SNX24: variants seen among roughly 807,000 people sequenced by gnomAD.
SNX24 encodes sorting nexin 24.
Under a neutral mutation model 28.7 loss-of-function variants are expected in SNX24, and 22 were observed. The observed-to-expected ratio is 0.77, with a 90% CI of 0.55 to 1.10. The LOEUF is 1.10. Among genes scored for constraint, SNX24 ranks in the 50% least tolerant of loss-of-function variants. The pLI, the probability that SNX24 is intolerant of heterozygous loss-of-function variation, is 0.00. For missense variants in SNX24, 221 were observed against 201.1 expected, an observed-to-expected ratio of 1.10 and a Z score of -0.60; for synonymous variants, 69 against 71.5, an observed-to-expected ratio of 0.96 and a Z score of 0.18.
chr5:123,007,052 T>C (rs1762444650), intron 6 of SNX24, among the ~76,000 whole-genome samples: 1 of 152,232 alleles, frequency 6.6e-6, no homozygotes, highest in South Asian at 2.1e-4. Flanking sequence ...TTACCTACTG[T>C]AATGACTGGA....
chr5:122,995,602 C>T (rs1270980258), intron 3 of SNX24, among the ~76,000 whole-genome samples: 2 of 152,196 alleles, frequency 1.3e-5, no homozygotes, highest in African/African-American at 4.8e-5. Flanking sequence ...ACATAAACAG[C>T]TACTCTCTGT....
At chr5:122,957,119 G>C (rs988814638) in intron 3 of SNX24, among the ~76,000 whole-genome samples, 1 of 151,910 alleles carries the variant, frequency 6.6e-6, no homozygotes, top group Non-Finnish European at 1.5e-5. Context: ...CTTTTTCTTT[G>C]TGCTGTCTTC....
intron 3 of SNX24, among the ~76,000 whole-genome samples, chr5:122,953,057 T>TCTTCCTTTCTTC (rs1554075535): frequency 6.7e-6 from 1 of 149,966 alleles, no homozygotes; most frequent in Non-Finnish European, 1.5e-5. Flanking sequence ...GCGATTTCTT[T>TCTTCCTTTCTTC]CTTTCTTTCT....
chr5:122,853,318 G>A (rs1304859188), intron 1 of SNX24, among the ~76,000 whole-genome samples: 2 of 151,780 alleles, frequency 1.3e-5, no homozygotes, highest in South Asian at 2.1e-4. Context: ...TAGTAGAGAC[G>A]GGGTTTCACC....
intron 3 of SNX24, chr5:122,965,364 G>T: frequency 4.6e-6 from 2 of 435,152 alleles, no homozygotes; most frequent in Non-Finnish European, 9.3e-6. Context: ...CAGGTACCTG[G>T]ATAGCCTGAG....
intron 1 of SNX24, among the ~76,000 whole-genome samples, chr5:122,857,332 G>C (rs934392762): frequency 2.0e-5 from 3 of 151,990 alleles, no homozygotes; most frequent in Non-Finnish European, 1.5e-5. Context: ...TTTGTGTACG[G>C]TGTAAGGAAG....
At chr5:122,985,771 CTT>C (rs1373094523) in intron 3 of SNX24, among the ~76,000 whole-genome samples, 1 of 152,192 alleles carries the variant, frequency 6.6e-6, no homozygotes, top group Non-Finnish European at 1.5e-5. Context: ...TAAAGTTTCT[CTT>C]TATACTAAGC....
At chr5:123,022,005 A>G (rs771748695) in intron 5 of SNX24, among the ~76,000 whole-genome samples, 9 of 151,908 alleles carry the variant, frequency 5.9e-5, no homozygotes, top group Non-Finnish European at 8.8e-5. Context: ...CACTCCGACG[A>G]TGCTTCTCTC....
At chr5:123,026,208 C>G (rs41527147) in intron 5 of SNX24, among the ~76,000 whole-genome samples, 1 of 152,048 alleles carries the variant, frequency 6.6e-6, no homozygotes, top group African/African-American at 2.4e-5. Flanking sequence ...TAGTGGGATA[C>G]TCTCTGGCCT....
intron 1 of SNX24, among the ~76,000 whole-genome samples, chr5:122,856,108 T>C (rs1187881646): frequency 6.6e-6 from 1 of 152,216 alleles, no homozygotes; most frequent in Non-Finnish European, 1.5e-5. Flanking sequence ...TTTGATCTTC[T>C]CCCTTCTGCC....
At chr5:122,924,670 G>A (rs1482244946) in intron 1 of SNX24, among the ~76,000 whole-genome samples, 1 of 152,194 alleles carries the variant, frequency 6.6e-6, no homozygotes, top group Non-Finnish European at 1.5e-5. Flanking sequence ...CCAGTTATGT[G>A]CCAGGCTAGG....
In SNX24 at chr5:122,991,014, G is replaced by A. The variant is rs1188120402; in HGVS notation, c.250-8898G>A. On this transcript the variant is annotated intron_variant, in intron 3 of 6. Coordinates refer to ENST00000261369, the MANE Select transcript of SNX24 (RefSeq NM_014035.4). Reference sequence around the variant, plus strand: ...TAAGTTCAAGCAATTCTCCTGTCTCGGCCTTCCATGTAGCTAGGATTACAG... The same window carrying A: ...TAAGTTCAAGCAATTCTCCTGTCTCAGCCTTCCATGTAGCTAGGATTACAG... Among the ~76,000 whole-genome samples, 7 of 151,714 alleles carry A rather than the reference G, an allele frequency of 4.6e-5. No homozygotes were observed. In the South Asian group the frequency reaches 8.3e-4, roughly 18 times the overall value.
intron 1 of SNX24, among the ~76,000 whole-genome samples, chr5:122,855,753 A>T (rs903238675): frequency 1.3e-5 from 2 of 152,198 alleles, no homozygotes; most frequent in Admixed American, 6.5e-5. Context: ...CCATCTCAAG[A>T]AACCACTTTC....
chr5:122,886,449 C>T (rs904061758), intron 1 of SNX24, among the ~76,000 whole-genome samples: 7 of 151,972 alleles, frequency 4.6e-5, no homozygotes, highest in African/African-American at 1.2e-4. Context: ...ACTCTGGAAG[C>T]GATACATTTT....
At chr5:123,000,547 T>C (rs1292491723) in intron 4 of SNX24, among the ~76,000 whole-genome samples, 4 of 152,164 alleles carry the variant, frequency 2.6e-5, no homozygotes, top group Non-Finnish European at 5.9e-5. Flanking sequence ...TCCAGCTGCC[T>C]CTCTCAGGAA....
At chr5:123,005,594 T>C (rs1762395943) in intron 6 of SNX24, among the ~76,000 whole-genome samples, 1 of 152,242 alleles carries the variant, frequency 6.6e-6, no homozygotes, top group African/African-American at 2.4e-5. Context: ...TTAAGCTAAA[T>C]ATACTTACAA....
intron 1 of SNX24, among the ~76,000 whole-genome samples, chr5:122,872,493 G>C (rs1001293927): frequency 4.0e-5 from 6 of 151,872 alleles, no homozygotes; most frequent in African/African-American, 1.5e-4. Context: ...CAGTATCCGT[G>C]GGGGATTGGT....
intron 1 of SNX24, 53 bp from the exon 2 acceptor site, chr5:122,936,681 G>T: frequency 9.6e-7 from 1 of 1,041,688 alleles, no homozygotes; most frequent in South Asian, 1.4e-5. Flanking sequence ...TACCACATCA[G>T]ACAATTGAGG....
intron 1 of SNX24, among the ~76,000 whole-genome samples, chr5:122,928,469 T>C (rs1042238249): frequency 3.9e-5 from 6 of 152,042 alleles, no homozygotes. Context: ...TGAGTCCTTA[T>C]AAGTGGAAGG....
Sources: gnomAD v4.1 joint callset for allele counts (sites outside exome capture counted in the v4.1 genomes callset) on GRCh38, gnomAD v4.1.1 for gene constraint, MANE v1.5 for transcripts, NCBI Gene and HGNC (gene_info 2026-07-23, HGNC 2026-07-21) for gene names.